Variants in MORC3 observed in about 807,000 individuals in gnomAD.
MORC3 encodes the protein MORC family CW-type zinc finger 3.
MORC3 carries 31 observed loss-of-function variants against 109.1 expected under a neutral mutation model. That is an observed-to-expected ratio of 0.28 (90% CI 0.21 to 0.38). The LOEUF is 0.38. MORC3 is among the 10% of genes least tolerant of loss of function. The probability of loss-of-function intolerance (pLI) is 1.00; values close to 1 mark genes in which losing one functional copy is unlikely to be tolerated. For synonymous variants in MORC3, 395 were observed against 380.7 expected (o/e 1.04, Z -0.44); for missense variants, 867 against 1,135.8 (o/e 0.76, Z 3.40).
At chr21:36,360,289 T>TA (rs2085698472) in intron 12 of MORC3, 31 bp downstream of exon 12, 10 of 1,578,174 alleles carry the variant, frequency 6.3e-6, no homozygotes, top group Non-Finnish European at 8.7e-6. Flanking sequence ...TAGTGGGTAA[T>TA]AATGCCCAGA....
At chr21:36,363,006 TG>T (rs1403372912) in intron 13 of MORC3, among the ~76,000 whole-genome samples, 1 of 152,162 alleles carries the variant, frequency 6.6e-6, no homozygotes, top group Non-Finnish European at 1.5e-5. Context: ...TTTTTCCCAG[TG>T]TTGACTACTC....
intron 13 of MORC3, 64 bp from the exon 14 acceptor site, chr21:36,364,029 T>TTG: frequency 6.6e-7 from 1 of 1,504,606 alleles, no homozygotes; most frequent in Non-Finnish European, 9.1e-7. Flanking sequence ...AGATTATATC[T>TTG]TGTGTTTTGG....
In MORC3 at chr21:36,369,863, A is replaced by G. The variant is rs887789393; in HGVS notation, c.2495A>G (p.Gln832Arg). Residue 832 changes from glutamine to arginine, a missense_variant, in exon 15 of 17, where the codon CAG becomes CGG. This residue lies in a region of MORC3 where 486 missense variants were observed against 502.1 expected (regional missense o/e 0.97). Transcript: ENST00000400485. ...QLDKCSIERD[Q>R]YKSEVELLEM... ...GACAAATGCAGTATTGAGAGGGACC[A>G]GTATAAAAGTGAGGTGAGTTATATC... 4 of 1,611,464 alleles carry G rather than the reference A, an allele frequency of 2.5e-6. No homozygotes were observed. Among genetic ancestry groups the G allele is most frequent in the African/African-American group, 1.3e-5 (1 of 74,930 alleles).
chr21:36,360,256 G>A lies in MORC3; in HGVS notation c.1404G>A (p.Lys468=). ...CCACTTATGAAAAAACCTACAAAAA[G>A]ACGTGAGTGTTGTATTGATGTATAG... is the stretch of plus-strand genomic sequence containing the variant. ...VHPTYEKTYK[K]TNKEKFRIRQ... The change falls in exon 12 of 17, where the codon AAG becomes AAA. Residue 468 remains lysine, a splice_region_variant and synonymous_variant. Transcript: ENST00000400485. 1.2e-6 allele frequency: 2 copies of A among 1,612,832 alleles called. No homozygotes were observed. Among genetic ancestry groups the A allele is most frequent in the Non-Finnish European group, 1.7e-6 (2 of 1,179,116 alleles).
In MORC3 at chr21:36,349,318, A is replaced by G; in HGVS notation, c.1013A>G (p.Asn338Ser). 1.9e-6 allele frequency: 3 copies of G among 1,604,078 alleles called. No homozygotes were observed. Among genetic ancestry groups the G allele is most frequent in the Non-Finnish European group, 8.5e-7 (1 of 1,177,284 alleles). The change falls in exon 9 of 17, where the codon AAC becomes AGC. Residue 338 changes from asparagine to serine, a missense_variant. By Grantham distance (46) the Asn-to-Ser change is conservative. This residue lies in a region of MORC3 where 120 missense variants were observed against 259.7 expected (regional missense o/e 0.46). Coordinates refer to ENST00000400485, the MANE Select transcript of MORC3 (RefSeq NM_015358.3). ...EKVGCQLRAN[N>S]MGVGVVGIIE... ...TTCATTTTATTTTTTCAGGCAAACA[A>G]CATGGGTGTTGGAGTGGTTGGAATT...
intron 15 of MORC3, among the ~76,000 whole-genome samples, chr21:36,370,257 T>G (rs893881452): frequency 1.3e-4 from 20 of 152,122 alleles, no homozygotes; most frequent in African/African-American, 3.9e-4. Flanking sequence ...TTAAAAATAA[T>G]TCTGTTCTTA....
chr21:36,372,419 G>A lies in MORC3; in HGVS notation c.2554G>A (p.Glu852Lys). 6.2e-7 allele frequency: 1 copy of A among 1,601,132 alleles called. No individual in the cohort carries two copies. The highest frequency in any genetic ancestry group is 1.1e-5 in the South Asian group (1 of 88,064). Residue 852 changes from glutamate (E) to lysine (K), a missense_variant, in exon 16 of 17, where the codon GAA (glutamate) becomes AAA (lysine). Physicochemically the swap from Glu to Lys is moderately conservative, Grantham distance 56. Transcript: ENST00000400485. Reference sequence around the variant, plus strand: ...AAAGTCACAAATCCGTTCACAGTGTGAAGAACTCAAAACTGAAGTAGAACA... The same window carrying A: ...AAAGTCACAAATCCGTTCACAGTGTAAAGAACTCAAAACTGAAGTAGAACA... ...MEKSQIRSQCEELKTEVEQLK... is the reference protein window; with the variant it reads ...MEKSQIRSQCKELKTEVEQLK...
chr21:36,347,372 C>CT (rs1399584533), intron 8 of MORC3, among the ~76,000 whole-genome samples: 1 of 152,144 alleles, frequency 6.6e-6, no homozygotes, highest in Non-Finnish European at 1.5e-5. Context: ...TTTTTATCAC[C>CT]TATGAATCTG....
intron 1 of MORC3, chr21:36,320,772 G>A (rs76529539): frequency 0.021 from 3,436 of 160,716 alleles, 64 homozygotes; most frequent in Admixed American, 0.043. Context: ...AGTGGAGTCA[G>A]GATGAGTGTG....
intron 9 of MORC3, among the ~76,000 whole-genome samples, chr21:36,355,839 C>T (rs2085639010): frequency 6.6e-6 from 1 of 151,906 alleles, no homozygotes; most frequent in Non-Finnish European, 1.5e-5. Flanking sequence ...GCCTGTGGCC[C>T]CAGCTACTCA....
At chr21:36,356,827 A>C (rs1359872841) in intron 10 of MORC3, 103 bp downstream of exon 10, 5 of 642,028 alleles carry the variant, frequency 7.8e-6, no homozygotes, top group East Asian at 6.2e-5. Flanking sequence ...ACTGTAACTC[A>C]TAGGAATAAA....
At chr21:36,344,794 TA>T in intron 7 of MORC3, 87 bp downstream of exon 7, 1 of 1,583,874 alleles carries the variant, frequency 6.3e-7, no homozygotes, top group East Asian at 2.2e-5. Flanking sequence ...ATAGGGATTC[TA>T]GTCTGCTCTA....
At position 36,344,725 on chromosome 21, in the gene MORC3, C is replaced by T. The variant is rs1262429299; in HGVS notation, c.885+18C>T. On this transcript the variant is annotated intron_variant, in intron 7 of 16. Transcript: ENST00000400485. ...AATTTTTAGTATCCTTTTTCTGATT[C>T]CTTATAGAGATATGTTAGTCAGGTG... The T allele has an allele frequency of 1.9e-6, 3 of 1,612,040 alleles. No individual in the cohort carries two copies. The highest frequency in any genetic ancestry group is 1.7e-5 in the Admixed American group (1 of 59,594).
At chr21:36,336,652 A>C (rs1012074446) in intron 2 of MORC3, among the ~76,000 whole-genome samples, 1 of 152,266 alleles carries the variant, frequency 6.6e-6, no homozygotes, top group South Asian at 2.1e-4. Flanking sequence ...GAGGGTGTTA[A>C]TTCTATAATA....
Position 36,337,751 on chromosome 21 carries a change from G to A in MORC3, c.265G>A (p.Val89Ile). The change falls in exon 4 of 17, where the codon GTC becomes ATC. Residue 89 changes from valine (V) to isoleucine (I), a missense_variant. Val to Ile is a conservative substitution (Grantham distance 29). This residue lies in a region of MORC3 where 53 missense variants were observed against 130.3 expected (regional missense o/e 0.41). Coordinates refer to ENST00000400485, the MANE Select transcript of MORC3 (RefSeq NM_015358.3). ...TCTTAGCTTTGGCTTCAGTGACAAAGTCACCATGAATGGTCATGTCCCAGT... is the reference window on the plus strand; with the variant it reads ...TCTTAGCTTTGGCTTCAGTGACAAAATCACCATGAATGGTCATGTCCCAGT... ...KMLSFGFSDKVTMNGHVPVGL... is the reference protein window; with the variant it reads ...KMLSFGFSDKITMNGHVPVGL... 1 of 1,609,194 alleles carries A rather than the reference G, an allele frequency of 6.2e-7. No homozygotes were observed. The highest frequency in any genetic ancestry group is 8.5e-7 in the Non-Finnish European group (1 of 1,177,462).
At chr21:36,353,400 C>T (rs2085598687) in intron 9 of MORC3, among the ~76,000 whole-genome samples, 1 of 147,618 alleles carries the variant, frequency 6.8e-6, no homozygotes, top group Non-Finnish European at 1.5e-5. Context: ...GGTGCCGTGG[C>T]TCAGGCCGGT....
chr21:36,329,413 C>CA (rs2085287999), intron 1 of MORC3, among the ~76,000 whole-genome samples: 1 of 152,054 alleles, frequency 6.6e-6, no homozygotes, highest in African/African-American at 2.4e-5. Flanking sequence ...TACAATGAAT[C>CA]AGTGTTTTTT....
intron 1 of MORC3, among the ~76,000 whole-genome samples, chr21:36,329,056 G>C (rs2085282880): frequency 6.6e-6 from 1 of 152,156 alleles, no homozygotes; most frequent in Non-Finnish European, 1.5e-5. Context: ...ACTTTGGGAG[G>C]CCGAGGTGGG....
At chr21:36,338,688 T>C in intron 4 of MORC3, 86 bp from the exon 5 acceptor site, 1 of 1,270,164 alleles carries the variant, frequency 7.9e-7, no homozygotes, top group Non-Finnish European at 1.1e-6. Context: ...AAATAGTTTT[T>C]CTGTTATTTA....
Sources: allele counts gnomAD v4.1 joint callset (sites outside exome capture counted in the v4.1 genomes callset), GRCh38; gene constraint gnomAD v4.1.1; regional missense constraint gnomAD v4.1.1; transcripts MANE v1.5; gene names NCBI Gene and HGNC (gene_info 2026-07-23, HGNC 2026-07-21).